The following STAU2 variants were observed in gnomAD, a reference collection of about 807,000 sequenced individuals.
STAU2 encodes the protein staufen double-stranded RNA binding protein 2.
A neutral mutation model predicts 65.9 loss-of-function variants in STAU2; 20 were observed. The observed-to-expected ratio is 0.30, with a 90% confidence interval of 0.21 to 0.44. The LOEUF is 0.44. Among genes scored for constraint, STAU2 ranks in the 20% least tolerant of loss-of-function variants. The pLI is 1.00. For missense variants in STAU2, 558 were observed against 683.9 expected, an observed-to-expected ratio of 0.82 and a Z score of 2.05; for synonymous variants, 232 against 233.9, an observed-to-expected ratio of 0.99 and a Z score of 0.07.
chr8:73,699,353 A>G (rs1028405369), intron 4 of STAU2, among the ~76,000 whole-genome samples: 3 of 152,090 alleles, frequency 2.0e-5, no homozygotes, highest in African/African-American at 7.2e-5. Context: ...ATTTGAAATG[A>G]AAAAATTATA....
At chr8:73,481,715 T>C (rs2128910790) in intron 13 of STAU2, among the ~76,000 whole-genome samples, 1 of 152,230 alleles carries the variant, frequency 6.6e-6, no homozygotes, top group African/African-American at 2.4e-5. Flanking sequence ...TGGGGAAATA[T>C]TCATTGCTTT....
intron 11 of STAU2, among the ~76,000 whole-genome samples, chr8:73,592,660 A>C (rs985635147): frequency 5.9e-5 from 9 of 152,162 alleles, no homozygotes; most frequent in Non-Finnish European, 1.2e-4. Context: ...GGAGAGCAAG[A>C]CCAGCCCAGC....
At chr8:73,474,620 T>C (rs888048686) in intron 13 of STAU2, among the ~76,000 whole-genome samples, 21 of 152,116 alleles carry the variant, frequency 1.4e-4, no homozygotes, top group Admixed American at 7.9e-4. Context: ...GTGTATTCTG[T>C]TCATCTTAAT....
chr8:73,741,183 T>C (rs981187700), intron 1 of STAU2, among the ~76,000 whole-genome samples: 3 of 147,608 alleles, frequency 2.0e-5, no homozygotes, highest in Admixed American at 6.8e-5. Context: ...CGGGCGCCTG[T>C]AGTCCCAGCT....
At chr8:73,545,890 G>A (rs4466390) in intron 13 of STAU2, among the ~76,000 whole-genome samples, 28 of 151,608 alleles carry the variant, frequency 1.8e-4, no homozygotes, top group East Asian at 1.7e-3. Context: ...CTCGTGATCC[G>A]CCCGCCTTGG....
chr8:73,586,982 G>C (rs1340594537), intron 11 of STAU2, among the ~76,000 whole-genome samples: 1 of 152,040 alleles, frequency 6.6e-6, no homozygotes, highest in African/African-American at 2.4e-5. Context: ...TAAAGTATAT[G>C]AATTTCTAGA....
intron 13 of STAU2, among the ~76,000 whole-genome samples, chr8:73,481,500 C>CAAAAAAAAA (rs766805913): frequency 3.3e-5 from 2 of 60,036 alleles, no homozygotes; most frequent in African/African-American, 7.5e-5. Context: ...CAAAATAAGC[C>CAAAAAAAAA]AAAAAAACAA....
chr8:73,739,929 T>C (rs1056503931), intron 1 of STAU2, 61 bp from the exon 2 acceptor site: 2 of 718,020 alleles, frequency 2.8e-6, no homozygotes, highest in African/African-American at 1.8e-5. Context: ...GTTATAAAAA[T>C]TCTTAGGTGT....
At chr8:73,725,909 GGAAACCTGTCTCAA>G (rs1473064907) in intron 3 of STAU2, among the ~76,000 whole-genome samples, 1 of 152,072 alleles carries the variant, frequency 6.6e-6, no homozygotes, top group Non-Finnish European at 1.5e-5. Context: ...CTCCAGCCTG[GGAAACCTGTCTCAA>G]GACCTGTCTC....
intron 13 of STAU2, among the ~76,000 whole-genome samples, chr8:73,513,886 A>G (rs1822556109): frequency 6.6e-6 from 1 of 152,212 alleles, no homozygotes; most frequent in Non-Finnish European, 1.5e-5. Context: ...TATTGTGCTG[A>G]GTCTGCAGGT....
intron 1 of STAU2, among the ~76,000 whole-genome samples, chr8:73,740,403 C>T (rs1300280274): frequency 2.0e-5 from 3 of 151,956 alleles, no homozygotes; most frequent in African/African-American, 7.3e-5. Context: ...AAATAAAATC[C>T]CTGTTCAACA....
chr8:73,488,725 G>A lies in STAU2; in HGVS notation c.1530+63287C>T, dbSNP rs150597221. Among the ~76,000 whole-genome samples the A allele has an allele frequency of 1.5e-3, 224 of 148,196 alleles. 2 individuals are homozygous for A. Among genetic ancestry groups the A allele is most frequent in the East Asian group, 6.7e-3 (34 of 5,040 alleles). On this transcript the variant is annotated intron_variant, in intron 13 of 14. Coordinates refer to ENST00000524300, the MANE Select transcript of STAU2 (RefSeq NM_001164380.2). ...AAAGCTATACCAGACTATCAAAATCGTTGCTAAGGAAAATAAACTAATCAA... is the reference window on the plus strand; with the variant it reads ...AAAGCTATACCAGACTATCAAAATCATTGCTAAGGAAAATAAACTAATCAA...
intron 5 of STAU2, among the ~76,000 whole-genome samples, chr8:73,673,934 A>G (rs1465462661): frequency 1.3e-5 from 2 of 152,048 alleles, no homozygotes; most frequent in Non-Finnish European, 1.5e-5. Context: ...GAAGACTACT[A>G]CACACCTTGC....
chr8:73,654,564 CAGA>C (rs1388498081), intron 6 of STAU2, among the ~76,000 whole-genome samples: 2 of 133,954 alleles, frequency 1.5e-5, no homozygotes, highest in South Asian at 4.8e-4. Flanking sequence ...CACTTGAGAC[CAGA>C]AGGTCATGGC....
intron 3 of STAU2, among the ~76,000 whole-genome samples, chr8:73,721,174 T>C (rs1434197128): frequency 6.9e-6 from 1 of 144,868 alleles, no homozygotes; most frequent in Non-Finnish European, 1.5e-5. Context: ...TTTATAGTCC[T>C]AGATACTCGG....
intron 13 of STAU2, among the ~76,000 whole-genome samples, chr8:73,473,102 T>G (rs906366541): frequency 2.0e-5 from 3 of 152,164 alleles, no homozygotes; most frequent in Non-Finnish European, 4.4e-5. Context: ...TATATAAAAC[T>G]GTCATTCTTC....
chr8:73,595,284 T>C lies in STAU2; in HGVS notation c.1043A>G (p.Asn348Ser). The change falls in exon 11 of 15, where the codon AAT becomes AGT. Residue 348 changes from asparagine (N) to serine (S), a missense_variant. Transcript: ENST00000524300. ...AGGTCCTGTTCCTGTAGCAACTTCA[T>C]TGCCTACCTTCACCTGATAAGATTA... The part of the protein sequence containing the change: ...REFVMQVKVG[N>S]EVATGTGPNK... The C allele has an allele frequency of 3.1e-6, 5 of 1,603,798 alleles. 1 individual carries two copies. The highest frequency in any genetic ancestry group is 2.3e-5 in the South Asian group (2 of 88,482).
chr8:73,444,179 G>A (rs1188346778), intron 13 of STAU2, among the ~76,000 whole-genome samples: 3 of 152,142 alleles, frequency 2.0e-5, no homozygotes, highest in Non-Finnish European at 1.5e-5. Context: ...GGCCGAGGCG[G>A]GCAGATCACT....
chr8:73,731,355 A>G (rs902837202), intron 3 of STAU2, among the ~76,000 whole-genome samples: 1 of 151,910 alleles, frequency 6.6e-6, no homozygotes, highest in East Asian at 1.9e-4. Flanking sequence ...TGATCTTCCC[A>G]AATTTTTATC....
Sources: gnomAD v4.1 joint callset for allele counts (sites outside exome capture counted in the v4.1 genomes callset) on GRCh38, gnomAD v4.1.1 for gene constraint, MANE v1.5 for transcripts, NCBI Gene and HGNC (gene_info 2026-07-23, HGNC 2026-07-21) for gene names.